LHFPL2: variants seen among roughly 807,000 people sequenced by gnomAD.
LHFPL2 encodes the protein LHFPL tetraspan subfamily member 2 protein.
In LHFPL2, 7 loss-of-function variants were observed where a neutral mutation model predicts 17.5. That is an observed-to-expected ratio of 0.40 (90% CI 0.23 to 0.75). The LOEUF (loss-of-function observed/expected upper bound fraction) is 0.75. Among genes scored for constraint, LHFPL2 ranks in the 30% least tolerant of loss-of-function variants. LHFPL2 has a pLI of 0.37. For synonymous variants in LHFPL2, 134 were observed against 116.2 expected, an observed-to-expected ratio of 1.15 and a Z score of -0.99; for missense variants, 241 against 294.8, an observed-to-expected ratio of 0.82 and a Z score of 1.34.
chr5:78,603,601 C>T (rs1421055391), intron 2 of LHFPL2, among the ~76,000 whole-genome samples: 1 of 152,150 alleles, frequency 6.6e-6, no homozygotes, highest in East Asian at 1.9e-4. Context: ...GTTTGCTGGC[C>T]GGGCATGGTG....
At chr5:78,547,531 C>T (rs1756316147) in intron 3 of LHFPL2, among the ~76,000 whole-genome samples, 1 of 152,194 alleles carries the variant, frequency 6.6e-6, no homozygotes, top group African/African-American at 2.4e-5. Context: ...CAAGGTCAAT[C>T]CAATCTATCA....
At chr5:78,643,437 A>C (rs1745749466) in intron 1 of LHFPL2, among the ~76,000 whole-genome samples, 1 of 152,176 alleles carries the variant, frequency 6.6e-6, no homozygotes, top group Admixed American at 6.5e-5. Flanking sequence ...CGATGGTCAG[A>C]TCCTACCTTT....
At chr5:78,503,242 T>C (rs1754827097) in intron 4 of LHFPL2, among the ~76,000 whole-genome samples, 1 of 152,254 alleles carries the variant, frequency 6.6e-6, no homozygotes, top group Non-Finnish European at 1.5e-5. Flanking sequence ...TAATGTAATT[T>C]GAATATAGAT....
At chr5:78,489,457 G>T (rs1754366118) in intron 4 of LHFPL2, among the ~76,000 whole-genome samples, 1 of 152,154 alleles carries the variant, frequency 6.6e-6, no homozygotes, top group Non-Finnish European at 1.5e-5. Flanking sequence ...CCAGGCAGGA[G>T]TGCAGTGGTG....
In LHFPL2 at chr5:78,599,839, G is replaced by A. The variant is rs936679750; in HGVS notation, c.-245+32425C>T. Among the ~76,000 whole-genome samples the A allele has an allele frequency of 2.3e-4, 35 of 152,078 alleles. 1 individual carries two copies. Among genetic ancestry groups the A allele is most frequent in the Admixed American group, 1.7e-3 (26 of 15,264 alleles). ...ATGCTTCCCATCCCTTAAAATCTGA[G>A]ATTTTTCAAACTATTCCCCAAATTA... is the stretch of plus-strand genomic sequence containing the variant. On this transcript the variant is annotated intron_variant, in intron 2 of 4. Transcript: ENST00000380345.
chr5:78,501,582 A>T (rs1175600317), intron 4 of LHFPL2, among the ~76,000 whole-genome samples: 1 of 152,222 alleles, frequency 6.6e-6, no homozygotes, highest in Non-Finnish European at 1.5e-5. Context: ...GTTAGAAGAG[A>T]TGAGGTCTCA....
At chr5:78,542,723 G>A (rs868731738) in intron 3 of LHFPL2, among the ~76,000 whole-genome samples, 3 of 152,226 alleles carry the variant, frequency 2.0e-5, no homozygotes, top group Non-Finnish European at 2.9e-5. Flanking sequence ...CACTTTGATG[G>A]TATAGGTACT....
At chr5:78,586,630 A>G (rs1743413550) in intron 2 of LHFPL2, among the ~76,000 whole-genome samples, 1 of 152,206 alleles carries the variant, frequency 6.6e-6, no homozygotes. Context: ...CAGTGATTCT[A>G]CGCAAGGCTG....
chr5:78,560,868 A>G (rs1016704966), intron 3 of LHFPL2, among the ~76,000 whole-genome samples: 2 of 152,226 alleles, frequency 1.3e-5, no homozygotes, highest in African/African-American at 4.8e-5. Context: ...ATTAGAAACT[A>G]TCCAATTTTA....
At chr5:78,497,339 A>G (rs937504757) in intron 4 of LHFPL2, among the ~76,000 whole-genome samples, 4 of 152,182 alleles carry the variant, frequency 2.6e-5, no homozygotes, top group South Asian at 4.2e-4. Flanking sequence ...TATCTTCAAC[A>G]TTCCCTCTCA....
intron 3 of LHFPL2, among the ~76,000 whole-genome samples, chr5:78,562,943 G>A (rs1169916920): frequency 3.3e-5 from 5 of 152,176 alleles, no homozygotes; most frequent in African/African-American, 1.2e-4. Context: ...CCCACAAAGG[G>A]GGGACTAAGC....
intron 2 of LHFPL2, among the ~76,000 whole-genome samples, chr5:78,629,461 T>C (rs989172355): frequency 2.6e-5 from 4 of 152,224 alleles, no homozygotes; most frequent in African/African-American, 9.6e-5. Context: ...GGAAATGGAA[T>C]AGAGCAAACT....
At chr5:78,543,368 G>A (rs1756170151) in intron 3 of LHFPL2, among the ~76,000 whole-genome samples, 1 of 152,140 alleles carries the variant, frequency 6.6e-6, no homozygotes, top group Non-Finnish European at 1.5e-5. Flanking sequence ...TCCTCAGTGA[G>A]ACAACGAACT....
intron 2 of LHFPL2, among the ~76,000 whole-genome samples, chr5:78,594,150 T>C (rs899424075): frequency 6.6e-6 from 1 of 152,226 alleles, no homozygotes; most frequent in Non-Finnish European, 1.5e-5. Context: ...TTATCCTGGC[T>C]CTTAGCCTTT....
At chr5:78,638,283 G>A (rs1006355728) in intron 1 of LHFPL2, among the ~76,000 whole-genome samples, 2 of 152,182 alleles carry the variant, frequency 1.3e-5, no homozygotes, top group Non-Finnish European at 2.9e-5. Flanking sequence ...TAACCAGGGA[G>A]GCGGGGCTTG....
At chr5:78,550,287 A>G (rs541663182) in intron 3 of LHFPL2, among the ~76,000 whole-genome samples, 132 of 152,328 alleles carry the variant, frequency 8.7e-4, no homozygotes, top group Admixed American at 6.8e-3. Context: ...CACGGAAGAC[A>G]TTGAACTAAT....
At chr5:78,542,808 A>G (rs1345947641) in intron 3 of LHFPL2, among the ~76,000 whole-genome samples, 1 of 152,116 alleles carries the variant, frequency 6.6e-6, no homozygotes, top group Non-Finnish European at 1.5e-5. Context: ...TGAGGTCCAA[A>G]TCCTCAGGAC....
At chr5:78,644,142 A>C (rs1272812671) in intron 1 of LHFPL2, 3 of 525,672 alleles carry the variant, frequency 5.7e-6, no homozygotes, top group Non-Finnish European at 1.0e-5. Flanking sequence ...TACAAAAAAG[A>C]CAATGTACAA....
At chr5:78,646,821 C>T (rs1055016641) in intron 1 of LHFPL2, among the ~76,000 whole-genome samples, 34 of 152,196 alleles carry the variant, frequency 2.2e-4, no homozygotes, top group Non-Finnish European at 3.7e-4. Flanking sequence ...CTACAAAAAT[C>T]CTTCTTCCTT....
Sources: gnomAD v4.1 joint callset for allele counts (sites outside exome capture counted in the v4.1 genomes callset) on GRCh38, gnomAD v4.1.1 for gene constraint, MANE v1.5 for transcripts, NCBI Gene and HGNC (gene_info 2026-07-23, HGNC 2026-07-21) for gene names.